TRAPPC13: variants seen among roughly 807,000 people sequenced by gnomAD.
TRAPPC13 encodes the protein REV7-interacting novel NHEJ regulator 1.
A neutral mutation model predicts 54.0 loss-of-function variants in TRAPPC13; 39 were observed. That is an observed-to-expected ratio of 0.72 (90% CI 0.56 to 0.94). The LOEUF is 0.94. Among genes scored for constraint, TRAPPC13 ranks in the 40% least tolerant of loss-of-function variants. TRAPPC13 has a pLI of 0.00. For synonymous variants in TRAPPC13, 148 were observed against 167.7 expected (o/e 0.88, Z 0.91); for missense variants, 386 against 488.1 (o/e 0.79, Z 1.97).
At chr5:65,661,847 T>C (rs931819391) in intron 10 of TRAPPC13, 3 of 470,268 alleles carry the variant, frequency 6.4e-6, no homozygotes, top group African/African-American at 6.1e-5. Context: ...ACAAAAACAG[T>C]CCAGGTCTGC....
In TRAPPC13 at chr5:65,660,846, A is replaced by G. The variant is rs16894188; in HGVS notation, c.846A>G (p.Lys282=). Residue 282 remains lysine, a synonymous_variant, in exon 10 of 13, where the codon AAA becomes AAG. Coordinates refer to ENST00000399438, the MANE Select transcript of TRAPPC13 (RefSeq NM_024941.4). The stretch of plus-strand genomic sequence containing the variant: ...TTGGAAAATTGGATATAGTATGGAA[A>G]ACAAATCTAGGTGAAAGGGGAAGGT... ...TVIGKLDIVW[K]TNLGERGRLQ... 9,856 of 1,613,520 alleles carry G rather than the reference A, an allele frequency of 6.1e-3. 541 individuals carry two copies. The African/African-American group carries it at 0.12, about 19-fold the overall frequency.
intron 1 of TRAPPC13, among the ~76,000 whole-genome samples, chr5:65,628,761 G>A (rs769004356): frequency 1.8e-4 from 27 of 151,626 alleles, no homozygotes; most frequent in South Asian, 6.3e-4. Context: ...ATGAGCCACC[G>A]CACCTGGCAA....
chr5:65,664,185 C>A, intron 11 of TRAPPC13, 52 bp from the exon 12 acceptor site: 1 of 1,560,484 alleles, frequency 6.4e-7, no homozygotes, highest in Non-Finnish European at 8.7e-7. Flanking sequence ...ATTGCAGTAC[C>A]TCTTTGTGAA....
intron 4 of TRAPPC13, among the ~76,000 whole-genome samples, chr5:65,643,882 T>C (rs1366744064): frequency 6.6e-6 from 1 of 151,290 alleles, no homozygotes; most frequent in Non-Finnish European, 1.5e-5. Context: ...TTTATAATTA[T>C]TGTTAGTCAT....
At chr5:65,644,343 A>G (rs1264318331) in intron 4 of TRAPPC13, among the ~76,000 whole-genome samples, 4 of 152,142 alleles carry the variant, frequency 2.6e-5, no homozygotes, top group Non-Finnish European at 5.9e-5. Flanking sequence ...TGCCTGGCCA[A>G]TTATACCAAA....
chr5:65,637,563 G>C, intron 3 of TRAPPC13, 133 bp from the exon 4 acceptor site: 1 of 457,798 alleles, frequency 2.2e-6, no homozygotes, highest in Non-Finnish European at 4.0e-6. Context: ...CATGGGAGGC[G>C]GAGTTTGCAG....
In TRAPPC13 at chr5:65,665,752, G is replaced by C. The variant is rs553202195; in HGVS notation, c.*1141G>C. ...CACTTAGTTATGAGCAAAGCAGTGA[G>C]AAAGTTGAGGTGATAAACAACTTTG... On this transcript the variant is annotated 3_prime_UTR_variant, in exon 13 of 13. Transcript: ENST00000399438. The C allele has an allele frequency of 7.2e-5, 11 of 152,462 alleles. No homozygotes were observed. The highest frequency in any genetic ancestry group is 7.2e-4 in the Admixed American group (11 of 15,292). 9.4% of individuals were successfully genotyped at this position (152,462 alleles called of 1,614,324 possible). A position where few individuals can be genotyped will look rare whatever the true frequency, so the allele number is the denominator to read the frequency against.
intron 1 of TRAPPC13, among the ~76,000 whole-genome samples, chr5:65,632,044 C>G (rs1755566533): frequency 6.6e-6 from 1 of 151,834 alleles, no homozygotes; most frequent in Non-Finnish European, 1.5e-5. Context: ...TAAAAGTGAA[C>G]TTACCAGCCT....
At chr5:65,629,592 C>G in intron 1 of TRAPPC13, 1 of 1,528,488 alleles carries the variant, frequency 6.5e-7, no homozygotes, top group African/African-American at 1.4e-5. Flanking sequence ...TGCAGAATGA[C>G]TACAGAAGTA....
rs867526087 is a variant in TRAPPC13 at position 65,664,494 on chromosome 5, C to CTCTG, written c.1147-7_1147-6insGTCT. 1.2e-6 allele frequency: 2 copies of CTCTG among 1,605,544 alleles called. No homozygotes were observed. The highest frequency in any genetic ancestry group is 2.7e-5 in the African/African-American group (2 of 74,378). On this transcript the variant is annotated splice_polypyrimidine_tract_variant and intron_variant, in intron 12 of 12. Coordinates refer to ENST00000399438, the MANE Select transcript of TRAPPC13 (RefSeq NM_024941.4). ...TGAAAACTTAGACTCATCTCTCTCT[C>CTCTG]TCTCAATAGAGCATCTCTGGCTTAA...
chr5:65,649,415 A>T (rs1208813460), intron 5 of TRAPPC13, among the ~76,000 whole-genome samples: 1 of 152,208 alleles, frequency 6.6e-6, no homozygotes, highest in Non-Finnish European at 1.5e-5. Flanking sequence ...AGGCTCTTTC[A>T]CTAAAAGATT....
At chr5:65,643,778 C>G (rs895847632) in intron 4 of TRAPPC13, among the ~76,000 whole-genome samples, 3 of 144,734 alleles carry the variant, frequency 2.1e-5, no homozygotes, top group African/African-American at 7.7e-5. Context: ...GATCGTGCCA[C>G]TGCACTCCAG....
chr5:65,664,929 C>G lies in TRAPPC13; in HGVS notation c.*318C>G, dbSNP rs1756983477. The G allele has an allele frequency of 3.3e-5, 11 of 331,358 alleles. No individual in the cohort carries two copies. In the South Asian group the frequency reaches 3.4e-4, roughly 10 times the overall value. 20.5% of individuals were successfully genotyped at this position (331,358 alleles called of 1,614,324 possible). On this transcript the variant is annotated 3_prime_UTR_variant, in exon 13 of 13. Transcript: ENST00000399438. The stretch of plus-strand genomic sequence containing the variant: ...GCAAGTTATCTAGAACACGAGTCAG[C>G]ACACTTTTTATGTAAGGTACAAGAT...
intron 6 of TRAPPC13, among the ~76,000 whole-genome samples, 162 bp from the exon 7 acceptor site, chr5:65,652,339 C>T (rs75283786): frequency 1.6e-3 from 190 of 116,122 alleles, no homozygotes; most frequent in South Asian, 1.9e-3. Context: ...TTTTTCTTTT[C>T]TTTTTTTTTT....
intron 8 of TRAPPC13, among the ~76,000 whole-genome samples, chr5:65,657,306 C>A (rs1244585014): frequency 6.6e-6 from 1 of 151,592 alleles, no homozygotes; most frequent in South Asian, 2.1e-4. Context: ...CCCTTGAACC[C>A]GGGAGGCGGA....
Position 65,662,051 on chromosome 5 carries a change from C to T in TRAPPC13, c.899C>T (p.Ala300Val). ...RLQTSQLQRM[A>V]PGYGDVRLSL... ...TAACTGTGTTGCTTGTTTTCTTAGG[C>T]TCCAGGTTATGGAGATGTTAGGTTG... Residue 300 changes from alanine to valine, a missense_variant and splice_region_variant, in exon 11 of 13, where the codon GCT becomes GTT. Physicochemically the swap from Ala to Val is moderately conservative, Grantham distance 64. Transcript: ENST00000399438. 1.3e-6 allele frequency: 2 copies of T among 1,598,006 alleles called. No individual in the cohort carries two copies. The highest frequency in any genetic ancestry group is 1.7e-6 in the Non-Finnish European group (2 of 1,173,990).
intron 8 of TRAPPC13, 139 bp downstream of exon 8, chr5:65,655,792 A>G (rs1756629802): frequency 3.4e-6 from 1 of 293,832 alleles, no homozygotes; most frequent in Non-Finnish European, 6.5e-6. Flanking sequence ...CAGAAAGATT[A>G]TATATAATTT....
chr5:65,630,753 T>C (rs1755511914), intron 1 of TRAPPC13: 2 of 798,518 alleles, frequency 2.5e-6, no homozygotes, highest in South Asian at 5.7e-5. Context: ...AGTGGGAGAC[T>C]AGTCTAGATT....
At chr5:65,655,757 G>A in intron 8 of TRAPPC13, 104 bp downstream of exon 8, 1 of 351,956 alleles carries the variant, frequency 2.8e-6, no homozygotes, top group East Asian at 5.0e-5. Context: ...AAAACAGTTA[G>A]TTGTGAATAC....
Sources: allele counts gnomAD v4.1 joint callset (sites outside exome capture counted in the v4.1 genomes callset), GRCh38; gene constraint gnomAD v4.1.1; transcripts MANE v1.5; gene names NCBI Gene and HGNC (gene_info 2026-07-23, HGNC 2026-07-21).